PKD2: variants seen among roughly 807,000 people sequenced by gnomAD.
The protein encoded by PKD2 is polycystin 2, transient receptor potential cation channel.
A neutral mutation model predicts 105.9 loss-of-function variants in PKD2; 48 were observed. That is an observed-to-expected ratio of 0.45 (90% CI 0.36 to 0.58). The LOEUF (loss-of-function observed/expected upper bound fraction) is 0.58, where lower values mean the gene tolerates loss of function less well. Among genes scored for constraint, PKD2 ranks in the 20% least tolerant of loss-of-function variants. The pLI, the probability that PKD2 is intolerant of heterozygous loss-of-function variation, is 0.00. For missense variants in PKD2, 1,078 were observed against 1,255.3 expected, an observed-to-expected ratio of 0.86 and a Z score of 2.13; for synonymous variants, 464 against 481.1, an observed-to-expected ratio of 0.96 and a Z score of 0.46.
chr4:88,074,774 CA>C (rs1721168193), intron 13 of PKD2, 37 bp from the exon 14 acceptor site: 1 of 1,612,348 alleles, frequency 6.2e-7, no homozygotes. Context: ...AAGACAATGA[CA>C]AGCACTTTGT....
chr4:88,019,987 G>T (rs1233912202), intron 2 of PKD2, among the ~76,000 whole-genome samples: 1 of 152,078 alleles, frequency 6.6e-6, no homozygotes, highest in African/African-American at 2.4e-5. Context: ...CTGCACTCTG[G>T]TAAACATTAA....
chr4:88,043,713 T>G (rs1161313668), intron 5 of PKD2, among the ~76,000 whole-genome samples: 1 of 152,198 alleles, frequency 6.6e-6, no homozygotes, highest in Admixed American at 6.5e-5. Flanking sequence ...TGCTGGAACC[T>G]TTCCAGAAAA....
In PKD2 at chr4:88,038,462, G is replaced by A; in HGVS notation, c.1055G>A (p.Ser352Asn). Reference protein sequence around the residue: ...KECYDVYSVSSEDRAPFGPRN... With the variant: ...KECYDVYSVSNEDRAPFGPRN... The stretch of plus-strand genomic sequence containing the variant: ...TGCTATGATGTCTACTCTGTCAGTA[G>A]TGAAGATAGGGCTCCCTTTGGGCCC... The change falls in exon 4 of 15, where the codon AGT becomes AAT. Residue 352 changes from serine (S) to asparagine (N), a missense_variant. Physicochemically the swap from Ser to Asn is conservative, Grantham distance 46. Coordinates refer to ENST00000237596, the MANE Select transcript of PKD2 (RefSeq NM_000297.4). 1 of 1,613,834 alleles carries A rather than the reference G, an allele frequency of 6.2e-7. No homozygotes were observed. The highest frequency in any genetic ancestry group is 8.5e-7 in the Non-Finnish European group (1 of 1,179,720).
chr4:88,040,394 C>A (rs931274183), intron 4 of PKD2, among the ~76,000 whole-genome samples: 12 of 152,202 alleles, frequency 7.9e-5, no homozygotes, highest in Admixed American at 7.9e-4. Flanking sequence ...TGTAAAGATA[C>A]TAATAAATAT....
At chr4:88,069,202 T>A (rs1720903844) in intron 13 of PKD2, among the ~76,000 whole-genome samples, 1 of 152,154 alleles carries the variant, frequency 6.6e-6, no homozygotes, top group South Asian at 2.1e-4. Context: ...AGTATGTCTC[T>A]CCTGTAGACA....
chr4:88,070,552 T>C (rs1308272266), intron 13 of PKD2, among the ~76,000 whole-genome samples: 1 of 139,284 alleles, frequency 7.2e-6, no homozygotes, highest in Non-Finnish European at 1.5e-5. Flanking sequence ...CCTCTAGTTA[T>C]TTATTTATTT....
chr4:88,051,365 C>A (rs1578138812), intron 6 of PKD2, among the ~76,000 whole-genome samples: 2 of 152,216 alleles, frequency 1.3e-5, no homozygotes, highest in South Asian at 4.2e-4. Flanking sequence ...GATACCAACT[C>A]TTTAGTAGTT....
At chr4:88,073,211 TA>T (rs1381553143) in intron 13 of PKD2, among the ~76,000 whole-genome samples, 1 of 134,624 alleles carries the variant, frequency 7.4e-6, no homozygotes, top group Admixed American at 7.5e-5. Flanking sequence ...AAAAAAGGTG[TA>T]AAAAACTTTT....
intron 10 of PKD2, among the ~76,000 whole-genome samples, chr4:88,062,762 A>G (rs889403227): frequency 6.6e-6 from 1 of 152,090 alleles, no homozygotes; most frequent in Non-Finnish European, 1.5e-5. Flanking sequence ...CCTTAGGATT[A>G]TGTTATCTGT....
chr4:88,012,305 G>A (rs990501066), intron 1 of PKD2, among the ~76,000 whole-genome samples: 2 of 152,158 alleles, frequency 1.3e-5, no homozygotes, highest in African/African-American at 4.8e-5. Flanking sequence ...GCCCAGGGCC[G>A]CAACTATTAG....
At chr4:88,042,591 G>C (rs907757575) in intron 4 of PKD2, among the ~76,000 whole-genome samples, 1 of 152,136 alleles carries the variant, frequency 6.6e-6, no homozygotes, top group Non-Finnish European at 1.5e-5. Context: ...TCCACTGCCA[G>C]ATCCCCAAAT....
intron 1 of PKD2, among the ~76,000 whole-genome samples, chr4:88,013,955 A>G (rs1421899076): frequency 2.0e-5 from 3 of 152,286 alleles, no homozygotes; most frequent in South Asian, 2.1e-4. Context: ...TCATTTGTCA[A>G]TCTGAAGATG....
intron 13 of PKD2, among the ~76,000 whole-genome samples, chr4:88,073,498 C>T (rs548894527): frequency 1.8e-4 from 28 of 152,092 alleles, no homozygotes; most frequent in African/African-American, 6.3e-4. Flanking sequence ...TGCACTCCAG[C>T]CTGGGCGACA....
At chr4:88,008,541 T>C (rs1202440520) in intron 1 of PKD2, among the ~76,000 whole-genome samples, 2 of 152,206 alleles carry the variant, frequency 1.3e-5, no homozygotes, top group Non-Finnish European at 2.9e-5. Flanking sequence ...TGCATATTTA[T>C]TGGATACCTC....
Position 88,068,033 on chromosome 4 carries a change from A to G in PKD2, c.2494A>G (p.Ser832Gly), listed in dbSNP as rs145574534. 6 of 1,614,118 alleles carry G rather than the reference A, an allele frequency of 3.7e-6. No homozygotes were observed. In the African/African-American group the frequency reaches 6.7e-5, roughly 18 times the overall value. The stretch of plus-strand genomic sequence containing the variant: ...CTCCAGAAGGAGGGGAAGCATTTCT[A>G]GTGGCGTTTCTTACGAAGAGTTTCA... The part of the protein sequence containing the change: ...HSSRRRGSIS[S>G]GVSYEEFQVL... The change falls in exon 13 of 15, where the codon AGT becomes GGT. Residue 832 changes from serine to glycine, a missense_variant. By Grantham distance (56) the Ser-to-Gly change is moderately conservative (BLOSUM62 0). This residue lies in a region of PKD2 where 868 missense variants were observed against 1,067.3 expected (regional missense o/e 0.81). Coordinates refer to ENST00000237596, the MANE Select transcript of PKD2 (RefSeq NM_000297.4).
intron 4 of PKD2, among the ~76,000 whole-genome samples, chr4:88,039,707 G>A (rs1169633492): frequency 6.7e-6 from 1 of 149,218 alleles, no homozygotes; most frequent in Non-Finnish European, 1.5e-5. Context: ...CAGAGCTTTA[G>A]AACAAAGGAA....
chr4:88,038,218 G>A (rs1727410923), intron 3 of PKD2, 33 bp from the exon 4 acceptor site: 3 of 1,613,334 alleles, frequency 1.9e-6, no homozygotes, highest in South Asian at 2.2e-5. Context: ...GCTGAGCTTG[G>A]AACTTTTTCA....
At chr4:88,070,601 T>TATAGAGAGAGAG (rs1313482750) in intron 13 of PKD2, among the ~76,000 whole-genome samples, 167 of 91,444 alleles carry the variant, frequency 1.8e-3, no homozygotes, top group Middle Eastern at 0.013. Flanking sequence ...TATATATATA[T>TATAGAGAGAGAG]AGAGAGAGAG....
chr4:88,008,664 G>C (rs1026933552), intron 1 of PKD2, among the ~76,000 whole-genome samples: 1 of 151,816 alleles, frequency 6.6e-6, no homozygotes, highest in African/African-American at 2.4e-5. Context: ...AGGAAAAAAT[G>C]AACATTACTT....
Sources: allele counts gnomAD v4.1 joint callset (sites outside exome capture counted in the v4.1 genomes callset), GRCh38; gene constraint gnomAD v4.1.1; regional missense constraint gnomAD v4.1.1; transcripts MANE v1.5; gene names NCBI Gene and HGNC (gene_info 2026-07-23, HGNC 2026-07-21).